PCSK5: variants seen among roughly 807,000 people sequenced by gnomAD.
The protein encoded by PCSK5 is prohormone convertase 5.
Under a neutral mutation model 233.2 loss-of-function variants are expected in PCSK5, and 129 were observed. The ratio of observed to expected loss-of-function variants is 0.55; its 90% CI spans 0.48 to 0.64. The LOEUF (loss-of-function observed/expected upper bound fraction) is 0.64, where lower values mean the gene tolerates loss of function less well. Ranked by LOEUF, PCSK5 falls within the 30% of genes least tolerant of loss-of-function variation. The pLI, the probability that PCSK5 is intolerant of heterozygous loss-of-function variation, is 0.00. For synonymous variants in PCSK5, 825 were observed against 879.2 expected (o/e 0.94, Z 1.09); for missense variants, 2,076 against 2,430.1 (o/e 0.85, Z 3.06).
At position 76,001,113 on chromosome 9, in the gene PCSK5, A is replaced by G. The variant is rs887065179; in HGVS notation, c.411+14868A>G. Among the ~76,000 whole-genome samples the G allele has an allele frequency of 7.9e-5, 12 of 152,282 alleles. 1 individual carries two copies. The East Asian group carries it at 1.4e-3, about 17-fold the overall frequency. The stretch of plus-strand genomic sequence containing the variant: ...TTACTCTCACCAATTTTACATCTGC[A>G]TCTTTTCCCCATGTTGAAAATTCTG... On this transcript the variant is annotated intron_variant, in intron 3 of 37. Coordinates refer to ENST00000674117, the MANE Select transcript of PCSK5 (RefSeq NM_001372043.1).
chr9:75,944,177 GAA>G (rs67822628), intron 2 of PCSK5, among the ~76,000 whole-genome samples: 85 of 141,722 alleles, frequency 6.0e-4, no homozygotes, highest in African/African-American at 1.6e-3. Context: ...AAGAAAGAAA[GAA>G]AAAAAATATA....
intron 1 of PCSK5, among the ~76,000 whole-genome samples, chr9:75,907,271 T>G (rs1826301104): frequency 6.6e-6 from 1 of 152,182 alleles, no homozygotes; most frequent in Admixed American, 6.5e-5. Context: ...TACTTAGTCA[T>G]TAAATATTGG....
intron 20 of PCSK5, among the ~76,000 whole-genome samples, chr9:76,215,329 G>A (rs1825481815): frequency 6.6e-6 from 1 of 152,324 alleles, no homozygotes; most frequent in South Asian, 2.1e-4. Context: ...GGGGAGGAGG[G>A]CCTGAGTCAC....
intron 7 of PCSK5, among the ~76,000 whole-genome samples, chr9:76,073,475 G>T (rs1361205561): frequency 6.6e-6 from 1 of 152,000 alleles, no homozygotes; most frequent in Non-Finnish European, 1.5e-5. Context: ...TTCTTTCAAG[G>T]TGCCTTAACA....
intron 10 of PCSK5, among the ~76,000 whole-genome samples, chr9:76,146,812 A>G (rs1351013284): frequency 2.6e-5 from 4 of 152,312 alleles, no homozygotes; most frequent in African/African-American, 4.8e-5. Context: ...TTGAGTTTCT[A>G]TGACTTTGCA....
At chr9:76,091,505 A>C (rs545116322) in intron 7 of PCSK5, among the ~76,000 whole-genome samples, 2 of 152,306 alleles carry the variant, frequency 1.3e-5, no homozygotes, top group South Asian at 4.1e-4. Context: ...AGGGGAACAC[A>C]GTTCAGTCCA....
At chr9:76,046,138 T>G (rs574603238) in intron 5 of PCSK5, among the ~76,000 whole-genome samples, 101 of 148,868 alleles carry the variant, frequency 6.8e-4, no homozygotes, top group Non-Finnish European at 1.1e-3. Flanking sequence ...TTTAGTAGCA[T>G]TAACACATAA....
intron 21 of PCSK5, among the ~76,000 whole-genome samples, chr9:76,232,407 G>C (rs1826121172): frequency 6.6e-6 from 1 of 152,150 alleles, no homozygotes; most frequent in African/African-American, 2.4e-5. Flanking sequence ...ATGCCAATTT[G>C]ATGTCACCTG....
chr9:76,316,572 A>AG (rs1829037958), intron 30 of PCSK5, among the ~76,000 whole-genome samples: 1 of 150,898 alleles, frequency 6.6e-6, no homozygotes, highest in African/African-American at 2.4e-5. Flanking sequence ...AAAAAAAAAA[A>AG]GATAAAAATT....
chr9:76,207,262 G>A (rs144056142), intron 20 of PCSK5, among the ~76,000 whole-genome samples: 1 of 152,332 alleles, frequency 6.6e-6, no homozygotes, highest in East Asian at 1.9e-4. Flanking sequence ...TCCCAGACAT[G>A]AGGACTTGGA....
At chr9:75,892,189 T>C (rs750266912) in intron 1 of PCSK5, among the ~76,000 whole-genome samples, 1 of 152,018 alleles carries the variant, frequency 6.6e-6, no homozygotes, top group Admixed American at 6.5e-5. Flanking sequence ...GGGGTTTTTG[T>C]GGGGTGCCGC....
intron 1 of PCSK5, 56 bp downstream of exon 1, chr9:75,891,429 G>T: frequency 7.3e-7 from 1 of 1,379,018 alleles, no homozygotes; most frequent in Non-Finnish European, 9.9e-7. Flanking sequence ...GGGGCTTCTT[G>T]TCCCCTCTGC....
intron 13 of PCSK5, among the ~76,000 whole-genome samples, chr9:76,170,969 A>G (rs1823308296): frequency 6.6e-6 from 1 of 152,190 alleles, no homozygotes; most frequent in Non-Finnish European, 1.5e-5. Context: ...GTGGTCCCAT[A>G]ATCAGGGAGG....
intron 37 of PCSK5, among the ~76,000 whole-genome samples, chr9:76,355,171 C>T (rs917586005): frequency 1.3e-5 from 2 of 152,106 alleles, no homozygotes; most frequent in African/African-American, 4.8e-5. Flanking sequence ...CTGACTGATT[C>T]CTTCTAAAAA....
At chr9:76,255,926 A>G (rs144769083) in intron 24 of PCSK5, among the ~76,000 whole-genome samples, 20 of 152,318 alleles carry the variant, frequency 1.3e-4, no homozygotes, top group African/African-American at 4.8e-4. Context: ...TTACACAGCT[A>G]GCAAGTGTTA....
chr9:76,161,242 C>A (rs1822838173), intron 12 of PCSK5, among the ~76,000 whole-genome samples: 1 of 152,170 alleles, frequency 6.6e-6, no homozygotes, highest in East Asian at 1.9e-4. Flanking sequence ...ATAAGGATTC[C>A]TCAGCATAGG....
intron 17 of PCSK5, among the ~76,000 whole-genome samples, chr9:76,188,067 C>G (rs1824189775): frequency 6.6e-6 from 1 of 152,144 alleles, no homozygotes; most frequent in Admixed American, 6.5e-5. Flanking sequence ...ATCAGAATGG[C>G]TACTCCGGAG....
At chr9:76,030,976 C>T (rs1828630753) in intron 5 of PCSK5, among the ~76,000 whole-genome samples, 1 of 152,046 alleles carries the variant, frequency 6.6e-6, no homozygotes, top group Non-Finnish European at 1.5e-5. Flanking sequence ...CTTAGGTTTG[C>T]CATCCTGACG....
chr9:75,899,284 G>T (rs972703671), intron 1 of PCSK5, among the ~76,000 whole-genome samples: 12 of 152,170 alleles, frequency 7.9e-5, no homozygotes, highest in African/African-American at 2.9e-4. Context: ...TATACAACAT[G>T]ATATTTTGAT....
Sources: gnomAD v4.1 joint callset for allele counts (sites outside exome capture counted in the v4.1 genomes callset) on GRCh38, gnomAD v4.1.1 for gene constraint, MANE v1.5 for transcripts, NCBI Gene and HGNC (gene_info 2026-07-23, HGNC 2026-07-21) for gene names.